KLHL18: variants seen among roughly 807,000 people sequenced by gnomAD.
KLHL18 encodes kelch like family member 18.
Under a neutral mutation model 58.5 loss-of-function variants are expected in KLHL18, and 38 were observed. The observed-to-expected ratio is 0.65, with a 90% CI of 0.50 to 0.85. The LOEUF is 0.85. KLHL18 is among the 40% of genes least tolerant of loss of function. The pLI, the probability that KLHL18 is intolerant of heterozygous loss-of-function variation, is 0.00. For synonymous variants in KLHL18, 303 were observed against 301.9 expected (o/e 1.00, Z -0.04); for missense variants, 624 against 778.4 (o/e 0.80, Z 2.36).
intron 1 of KLHL18, among the ~76,000 whole-genome samples, chr3:47,298,546 T>G (rs1702947105): frequency 6.6e-6 from 1 of 152,104 alleles, no homozygotes; most frequent in Non-Finnish European, 1.5e-5. Context: ...ACATGAAACA[T>G]GAAGATTGCC....
chr3:47,300,151 C>G, intron 1 of KLHL18, among the ~76,000 whole-genome samples: 1 of 151,330 alleles, frequency 6.6e-6, no homozygotes, highest in South Asian at 2.1e-4. Flanking sequence ...CTCTCCCCCT[C>G]TCCACTCTTA....
chr3:47,322,475 G>A (rs1703611246), intron 2 of KLHL18, 93 bp from the exon 3 acceptor site: 1 of 1,265,192 alleles, frequency 7.9e-7, no homozygotes, highest in Non-Finnish European at 1.1e-6. Context: ...AAAGGGCCTG[G>A]GCTAAGTAAT....
In KLHL18 at chr3:47,343,994, C is replaced by G; in HGVS notation, c.*53C>G. On this transcript the variant is annotated 3_prime_UTR_variant, in exon 10 of 10. Transcript: ENST00000232766. ...GGATCTGGTACAGACATAGGCGCTT[C>G]CTTCCAGGAACAGTCCCTCAGGAGA... 1 of 1,586,516 alleles carries G rather than the reference C, an allele frequency of 6.3e-7. No individual in the cohort carries two copies. The highest frequency in any genetic ancestry group is 8.5e-7 in the Non-Finnish European group (1 of 1,173,198).
At chr3:47,317,756 TAGGG>T (rs1184840187) in intron 1 of KLHL18, among the ~76,000 whole-genome samples, 4 of 152,182 alleles carry the variant, frequency 2.6e-5, no homozygotes, top group Non-Finnish European at 4.4e-5. Flanking sequence ...ATTGGAAAGA[TAGGG>T]AGAGTGTAGG....
At chr3:47,294,486 G>A (rs1313745646) in intron 1 of KLHL18, among the ~76,000 whole-genome samples, 1 of 152,100 alleles carries the variant, frequency 6.6e-6, no homozygotes, top group Non-Finnish European at 1.5e-5. Flanking sequence ...ATGAAGTGAG[G>A]GAGCAATCCA....
chr3:47,291,641 A>G (rs1357016401), intron 1 of KLHL18, among the ~76,000 whole-genome samples: 1 of 152,244 alleles, frequency 6.6e-6, no homozygotes, highest in Non-Finnish European at 1.5e-5. Context: ...CGTTGCCTAT[A>G]GTTTACTGAC....
chr3:47,324,161 G>A (rs1369523524), intron 3 of KLHL18, among the ~76,000 whole-genome samples: 10 of 152,048 alleles, frequency 6.6e-5, no homozygotes, highest in Admixed American at 6.6e-4. Context: ...AGGCCAGAGG[G>A]TGCATATGGA....
At chr3:47,342,402 T>TA (rs1306883460) in intron 8 of KLHL18, among the ~76,000 whole-genome samples, 1 of 152,182 alleles carries the variant, frequency 6.6e-6, no homozygotes, top group African/African-American at 2.4e-5. Flanking sequence ...CTGAGCTTTA[T>TA]AAGTACAGCA....
intron 1 of KLHL18, among the ~76,000 whole-genome samples, chr3:47,305,513 T>G (rs11720439): frequency 0.32 from 48,087 of 151,602 alleles, 7,912 homozygotes; most frequent in Middle Eastern, 0.41. Flanking sequence ...TTCTGTTTGC[T>G]GATATTTTGT....
chr3:47,299,826 CAAAAAAAAAAA>C lies in KLHL18; in HGVS notation c.129+16751_129+16761del, dbSNP rs55695849. Among the ~76,000 whole-genome samples the C allele has an allele frequency of 3.0e-4, 13 of 43,820 alleles. 1 individual carries two copies. Among genetic ancestry groups the C allele is most frequent in the African/African-American group, 1.3e-3 (12 of 9,596 alleles). 28.7% of individuals were successfully genotyped at this position (43,820 alleles called of 152,430 possible). A position where few individuals can be genotyped will look rare whatever the true frequency, so the allele number is the denominator to read the frequency against. On this transcript the variant is annotated intron_variant, in intron 1 of 9. Transcript: ENST00000232766. ...TGCGTGACAGAGTGATACTGTGTCT[CAAAAAAAAAAA>C]AAAAAAAAAAAAAAAAAAGATTGCA...
At chr3:47,289,738 T>C (rs1702751499) in intron 1 of KLHL18, among the ~76,000 whole-genome samples, 1 of 152,160 alleles carries the variant, frequency 6.6e-6, no homozygotes, top group East Asian at 1.9e-4. Flanking sequence ...TGAGCCATAG[T>C]TGAACGACTG....
chr3:47,340,663 C>G lies in KLHL18; in HGVS notation c.1213C>G (p.Pro405Ala), dbSNP rs1211961512. ...CCTCAGCTCCGTGGAGACCTACTCA[C>G]CTGAGACGGACAAGTAAGGACTCCA... ...SSLSSVETYS[P>A]ETDKWTVVTS... The change falls in exon 8 of 10, where the codon CCT (proline) becomes GCT (alanine). Residue 405 changes from proline to alanine, a missense_variant. Physicochemically the swap from Pro to Ala is conservative, Grantham distance 27. Coordinates refer to ENST00000232766, the MANE Select transcript of KLHL18 (RefSeq NM_025010.5). 6.2e-7 allele frequency: 1 copy of G among 1,613,958 alleles called. No individual in the cohort carries two copies. Among genetic ancestry groups the G allele is most frequent in the Non-Finnish European group, 8.5e-7 (1 of 1,179,970 alleles).
At chr3:47,283,615 G>A (rs1702548880) in intron 1 of KLHL18, among the ~76,000 whole-genome samples, 1 of 152,134 alleles carries the variant, frequency 6.6e-6, no homozygotes, top group Admixed American at 6.5e-5. Context: ...AAATTTTTGA[G>A]GTGGGAAGCC....
intron 9 of KLHL18, among the ~76,000 whole-genome samples, chr3:47,343,069 G>A (rs1704145315): frequency 1.3e-5 from 2 of 152,220 alleles, no homozygotes; most frequent in Non-Finnish European, 2.9e-5. Context: ...TCTACTGTCT[G>A]TTGAACACTA....
intron 1 of KLHL18, among the ~76,000 whole-genome samples, chr3:47,305,275 C>G (rs961669981): frequency 6.7e-6 from 1 of 149,872 alleles, no homozygotes; most frequent in Non-Finnish European, 1.5e-5. Flanking sequence ...TGAGGAAGTT[C>G]CCCTCAATTC....
At position 47,334,773 on chromosome 3, in the gene KLHL18, A is replaced by G. The variant is rs1703946612; in HGVS notation, c.852A>G (p.Thr284=). ...TCAGAACCCGGCCACGCTGCTGCAC[A>G]TCCATCGCTGGACTTATCTACGCTG... ...PAFRTRPRCC[T]SIAGLIYAVG... is the part of the protein sequence containing the mutation. Residue 284 remains threonine (T), a synonymous_variant, in exon 6 of 10, where the codon ACA becomes ACG. Coordinates refer to ENST00000232766, the MANE Select transcript of KLHL18 (RefSeq NM_025010.5). The surrounding 1 kb of genome is among the most constrained non-coding windows in gnomAD (Gnocchi z 4.7). The G allele has an allele frequency of 1.2e-6, 2 of 1,614,008 alleles. No homozygotes were observed. The highest frequency in any genetic ancestry group is 1.3e-5 in the African/African-American group (1 of 74,926).
chr3:47,289,003 TTTC>T (rs1244709959), intron 1 of KLHL18, among the ~76,000 whole-genome samples: 2 of 152,232 alleles, frequency 1.3e-5, no homozygotes, highest in African/African-American at 2.4e-5. Context: ...TTAATGAGTT[TTTC>T]TTCTTATTCA....
intron 1 of KLHL18, among the ~76,000 whole-genome samples, chr3:47,305,298 G>C (rs917650776): frequency 2.2e-5 from 3 of 135,940 alleles, no homozygotes; most frequent in Non-Finnish European, 4.7e-5. Context: ...AGTGTTCTGA[G>C]AATTTTTATT....
chr3:47,322,574 G>T lies in KLHL18; in HGVS notation c.267G>T (p.Leu89=). 6.2e-7 allele frequency: 1 copy of T among 1,602,712 alleles called. No individual in the cohort carries two copies. Among genetic ancestry groups the T allele is most frequent in the Non-Finnish European group, 8.5e-7 (1 of 1,175,036 alleles). Residue 89 remains leucine (L), a synonymous_variant, in exon 3 of 10, where the codon CTG becomes CTT. Coordinates refer to ENST00000232766, the MANE Select transcript of KLHL18 (RefSeq NM_025010.5). Reference sequence around the variant, plus strand: ...CTTTCCCTCTTTCCTCTAGTGCCCTGGAGGCTCTGATCAACTTTGCCTACA... The same window carrying T: ...CTTTCCCTCTTTCCTCTAGTGCCCTTGAGGCTCTGATCAACTTTGCCTACA... ...IVMQGMDPSA[L]EALINFAYNG...
Sources: allele counts gnomAD v4.1 joint callset (sites outside exome capture counted in the v4.1 genomes callset), GRCh38; gene constraint gnomAD v4.1.1; non-coding constraint Gnocchi (gnomAD v3.1); transcripts MANE v1.5; gene names NCBI Gene and HGNC (gene_info 2026-07-23, HGNC 2026-07-21).